KCTD13: variants seen among roughly 807,000 people sequenced by gnomAD.
KCTD13 encodes BTB/POZ domain-containing adapter for CUL3-mediated RhoA degradation protein 1.
In KCTD13, 15 loss-of-function variants were observed where a neutral mutation model predicts 32.3. That is an observed-to-expected ratio of 0.46 (90% CI 0.31 to 0.71). The LOEUF is 0.71. Ranked by LOEUF, KCTD13 falls within the 30% of genes least tolerant of loss-of-function variation. The probability of loss-of-function intolerance (pLI) is 0.05; values close to 1 mark genes in which losing one functional copy is unlikely to be tolerated. For synonymous variants in KCTD13, 189 were observed against 200.1 expected, an observed-to-expected ratio of 0.94 and a Z score of 0.47; for missense variants, 337 against 452.6, an observed-to-expected ratio of 0.74 and a Z score of 2.32.
chr16:29,912,861 T>G (rs930542397), intron 2 of KCTD13, among the ~76,000 whole-genome samples: 2 of 152,246 alleles, frequency 1.3e-5, no homozygotes, highest in Non-Finnish European at 1.5e-5. Flanking sequence ...GCTCTGTATT[T>G]GTTGAATGAA....
chr16:29,924,720 C>CTTT (rs1214482858), intron 1 of KCTD13, among the ~76,000 whole-genome samples: 7 of 135,962 alleles, frequency 5.1e-5, no homozygotes, highest in African/African-American at 8.4e-5. Context: ...GAATTCTTCC[C>CTTT]TTTTTTTTTT....
Position 29,923,216 on chromosome 16 carries a change from T to A in KCTD13, c.388A>T (p.Ile130Phe), listed in dbSNP as rs1337716109. The A allele has an allele frequency of 3.1e-6, 5 of 1,614,090 alleles. No homozygotes were observed. The East Asian group carries it at 8.9e-5, about 29-fold the overall frequency. ...TGCAGCGCCAGCTGGCAGTCCTCAA[T>A]CAGGCCCTGCACCAGGTAGTAGCGT... ...EARYYLVQGLIEDCQLALQQK... is the reference protein window; with the variant it reads ...EARYYLVQGLFEDCQLALQQK... Residue 130 changes from isoleucine (I) to phenylalanine (F), a missense_variant, in exon 2 of 6, where the codon ATT becomes TTT. Physicochemically the swap from Ile to Phe is conservative, Grantham distance 21. This residue lies in a region of KCTD13 where 252 missense variants were observed against 340.2 expected (regional missense o/e 0.74). Coordinates refer to ENST00000568000, the MANE Select transcript of KCTD13 (RefSeq NM_178863.5).
intron 5 of KCTD13, among the ~76,000 whole-genome samples, chr16:29,910,777 C>A (rs2068693126): frequency 6.6e-6 from 1 of 152,224 alleles, no homozygotes; most frequent in Non-Finnish European, 1.5e-5. Flanking sequence ...AAGCACCCTG[C>A]TCTAACCCGT....
intron 5 of KCTD13, among the ~76,000 whole-genome samples, chr16:29,907,375 G>C (rs940394234): frequency 6.6e-5 from 10 of 152,166 alleles, no homozygotes; most frequent in African/African-American, 2.4e-5. Context: ...GACAAATACT[G>C]AGTGAGTGCA....
chr16:29,907,310 G>T (rs1453564756), intron 5 of KCTD13, among the ~76,000 whole-genome samples: 1 of 152,190 alleles, frequency 6.6e-6, no homozygotes, highest in Admixed American at 6.5e-5. Flanking sequence ...AGAATTATTT[G>T]TTTTCTCTCC....
At chr16:29,924,030 C>T (rs150495498) in intron 1 of KCTD13, among the ~76,000 whole-genome samples, 3 of 151,112 alleles carry the variant, frequency 2.0e-5, no homozygotes, top group Non-Finnish European at 2.9e-5. Flanking sequence ...CAAAATTAGC[C>T]GGGCATGGTG....
chr16:29,912,048 T>C lies in KCTD13; in HGVS notation c.416A>G (p.Gln139Arg). ...LIEDCQLALQ[Q>R]KRETLSPLCL... ...CAGCGGGGACAGCGTCTCCCTTTTT[T>C]GCTGGGGAAGAAGCGGAAGGTGGTT... Residue 139 changes from glutamine to arginine, a missense_variant and splice_region_variant, in exon 3 of 6, where the codon CAA (glutamine) becomes CGA (arginine). This residue lies in a region of KCTD13 where 252 missense variants were observed against 340.2 expected (regional missense o/e 0.74). Transcript: ENST00000568000. The C allele has an allele frequency of 6.2e-7, 1 of 1,601,550 alleles. No homozygotes were observed. Among genetic ancestry groups the C allele is most frequent in the South Asian group, 1.1e-5 (1 of 89,570 alleles).
chr16:29,924,036 T>C (rs373916630), intron 1 of KCTD13, among the ~76,000 whole-genome samples: 3 of 150,926 alleles, frequency 2.0e-5, no homozygotes, highest in African/African-American at 2.4e-5. Flanking sequence ...TAGCCGGGCA[T>C]GGTGGCGCAT....
intron 1 of KCTD13, among the ~76,000 whole-genome samples, chr16:29,924,815 T>C (rs1219844852): frequency 6.6e-6 from 1 of 150,582 alleles, no homozygotes; most frequent in Admixed American, 6.7e-5. Flanking sequence ...GCCTCCCAGG[T>C]TCAAGCGATT....
At chr16:29,911,242 G>A in intron 4 of KCTD13, 69 bp from the exon 5 acceptor site, 3 of 1,226,254 alleles carry the variant, frequency 2.4e-6, no homozygotes, top group Non-Finnish European at 3.5e-6. Context: ...CAGAAGACGG[G>A]CCTGGATGCA....
At position 29,909,183 on chromosome 16, in the gene KCTD13, C is replaced by A. The variant is rs190841097; in HGVS notation, c.753+1795G>T. On this transcript the variant is annotated intron_variant, in intron 5 of 5. Coordinates refer to ENST00000568000, the MANE Select transcript of KCTD13 (RefSeq NM_178863.5). ...ACTAACACCTCGCTGCTGATGCAAACCCCCTCCCCTCCACCACACATGATA... is the reference window on the plus strand; with the variant it reads ...ACTAACACCTCGCTGCTGATGCAAAACCCCTCCCCTCCACCACACATGATA... Among the ~76,000 whole-genome samples the A allele has an allele frequency of 4.9e-4, 74 of 152,226 alleles. No homozygotes were observed. The East Asian group carries it at 7.7e-3, about 16-fold the overall frequency.
At chr16:29,919,241 C>G (rs1245662976) in intron 2 of KCTD13, among the ~76,000 whole-genome samples, 1 of 152,122 alleles carries the variant, frequency 6.6e-6, no homozygotes, top group Non-Finnish European at 1.5e-5. Context: ...CTTTAACAAG[C>G]CAGCATCGTG....
In KCTD13 at chr16:29,906,923, A is replaced by G; in HGVS notation, c.939T>C (p.His313=). The change falls in exon 6 of 6, where the codon CAT becomes CAC. Residue 313 remains histidine, a synonymous_variant. Coordinates refer to ENST00000568000, the MANE Select transcript of KCTD13 (RefSeq NM_178863.5). ...HRVRRIHVRR[H]ITHDERPHGQ... ...CATGAGGACGCTCGTCGTGGGTGAT[A>G]TGGCGCCGGACATGGATCCTGCGGA... 1 of 1,614,066 alleles carries G rather than the reference A, an allele frequency of 6.2e-7. No homozygotes were observed. The highest frequency in any genetic ancestry group is 8.5e-7 in the Non-Finnish European group (1 of 1,180,012).
chr16:29,911,687 G>T, intron 4 of KCTD13, 128 bp downstream of exon 4: 2 of 965,188 alleles, frequency 2.1e-6, no homozygotes, highest in Non-Finnish European at 3.1e-6. Context: ...AAGAGGCGAA[G>T]CCGAATCTGC....
rs754602005 is a variant in KCTD13 at position 29,911,772 on chromosome 16, G to A, written c.557+43C>T. 8.7e-6 allele frequency: 14 copies of A among 1,604,312 alleles called. 1 individual carries two copies. The South Asian group carries it at 1.3e-4, about 15-fold the overall frequency. ...CCTTGGGCAGAAGCAGGGCTGTGCT[G>A]CATCCCAGGGTCCCGCCCAGTGCCC... On this transcript the variant is annotated intron_variant, in intron 4 of 5. Coordinates refer to ENST00000568000, the MANE Select transcript of KCTD13 (RefSeq NM_178863.5).
intron 1 of KCTD13, among the ~76,000 whole-genome samples, chr16:29,924,563 T>C (rs2068965239): frequency 1.3e-5 from 2 of 152,186 alleles, no homozygotes; most frequent in Non-Finnish European, 2.9e-5. Context: ...CTATCTGCAA[T>C]TGCATATGCA....
intron 2 of KCTD13, among the ~76,000 whole-genome samples, chr16:29,917,282 C>A (rs188995010): frequency 6.0e-4 from 92 of 152,154 alleles, no homozygotes; most frequent in African/African-American, 2.2e-3. Flanking sequence ...TGAGCTAAAT[C>A]CCTTCACAAT....
intron 2 of KCTD13, chr16:29,915,481 A>T (rs1380736530): frequency 6.6e-6 from 1 of 152,062 alleles, no homozygotes; most frequent in East Asian, 1.9e-4. Context: ...GTGAAACCCC[A>T]TCTCTACTAA....
intron 1 of KCTD13, 45 bp from the exon 2 acceptor site, chr16:29,923,404 G>A: frequency 6.4e-7 from 1 of 1,574,172 alleles, no homozygotes; most frequent in Non-Finnish European, 8.7e-7. Context: ...CTTTGCTGCG[G>A]GACCTGGAGC....
Sources: allele counts gnomAD v4.1 joint callset (sites outside exome capture counted in the v4.1 genomes callset), GRCh38; gene constraint gnomAD v4.1.1; regional missense constraint gnomAD v4.1.1; transcripts MANE v1.5; gene names NCBI Gene and HGNC (gene_info 2026-07-23, HGNC 2026-07-21).